The following CCNH variants were observed in gnomAD, a reference collection of about 807,000 sequenced individuals.
The protein encoded by CCNH is cyclin-H.
In CCNH, 31 loss-of-function variants were observed where a neutral mutation model predicts 41.9. The ratio of observed to expected loss-of-function variants is 0.74; its 90% CI spans 0.56 to 1.00. CCNH has a LOEUF of 1.00. CCNH is among the 50% of genes least tolerant of loss of function. CCNH has a pLI of 0.00. For synonymous variants in CCNH, 138 were observed against 136.1 expected, an observed-to-expected ratio of 1.01 and a Z score of -0.10; for missense variants, 362 against 388.4, an observed-to-expected ratio of 0.93 and a Z score of 0.57.
chr5:87,410,754 A>C (rs1349701346), intron 2 of CCNH, among the ~76,000 whole-genome samples: 1 of 152,186 alleles, frequency 6.6e-6, no homozygotes, highest in Non-Finnish European at 1.5e-5. Flanking sequence ...CAATAAGGCA[A>C]TCTTTTTCAC....
At chr5:87,338,523 ATATATATATAAAATTTTTT>A (rs1398947733) in intron 9 of CCNH, among the ~76,000 whole-genome samples, 2 of 99,184 alleles carry the variant, frequency 2.0e-5, no homozygotes, top group Admixed American at 2.0e-4. Flanking sequence ...ATATATATAT[ATATATATATAAAATTTTTT>A]TTTTTTTTAA....
At chr5:87,401,660 G>C in intron 6 of CCNH, 42 bp downstream of exon 6, 2 of 1,187,848 alleles carry the variant, frequency 1.7e-6, no homozygotes, top group Non-Finnish European at 2.4e-6. Flanking sequence ...AAGGAGCTTT[G>C]TATTGGAAGA....
intron 5 of CCNH, among the ~76,000 whole-genome samples, chr5:87,404,159 G>T (rs1230709368): frequency 6.6e-6 from 1 of 152,160 alleles, no homozygotes; most frequent in Non-Finnish European, 1.5e-5. Context: ...ATTATGAAAT[G>T]TGAAATACCC....
chr5:87,408,125 C>T lies in CCNH; in HGVS notation c.376G>A (p.Val126Ile), dbSNP rs761199502. 1 of 1,480,630 alleles carries T rather than the reference C, an allele frequency of 6.8e-7. No individual in the cohort carries two copies. The highest frequency in any genetic ancestry group is 9.1e-7 in the Non-Finnish European group (1 of 1,096,318). 91.7% of individuals were successfully genotyped at this position (1,480,630 alleles called of 1,614,324 possible). Reference sequence around the variant, plus strand: ...AGAGGACTCTCCCGGAGGTTTCCAACAAACTGAGGACTAGATACATTGAAT... The same window carrying T: ...AGAGGACTCTCCCGGAGGTTTCCAATAAACTGAGGACTAGATACATTGAAT... ...DEFNVSSPQF[V>I]GNLRESPLGQ... The change falls in exon 4 of 9, where the codon GTT (valine) becomes ATT (isoleucine). Residue 126 changes from valine to isoleucine, a missense_variant. Val to Ile is a conservative substitution (Grantham distance 29, BLOSUM62 3). Coordinates refer to ENST00000256897, the MANE Select transcript of CCNH (RefSeq NM_001239.4).
chr5:87,404,671 G>A (rs543730411), intron 5 of CCNH, among the ~76,000 whole-genome samples, 173 bp downstream of exon 5: 9 of 152,228 alleles, frequency 5.9e-5, no homozygotes, highest in African/African-American at 1.9e-4. Context: ...TATCCTCTTA[G>A]TTTAACAGTA....
At chr5:87,338,536 A>ATTTTTTTTTTTTTT (rs1232583853) in intron 9 of CCNH, among the ~76,000 whole-genome samples, 8 of 85,208 alleles carry the variant, frequency 9.4e-5, no homozygotes, top group African/African-American at 3.5e-4. Flanking sequence ...TATATATAAA[A>ATTTTTTTTTTTTTT]TTTTTTTTTT....
At chr5:87,387,262 A>C (rs1355128429), downstream of CCNH, among the ~76,000 whole-genome samples, 5 of 152,092 alleles carry the variant, frequency 3.3e-5, no homozygotes, top group Admixed American at 6.6e-5. Flanking sequence ...GTGGGGCGTG[A>C]AGCAAGACGA....
rs539388994 is a variant in CCNH, at chr5:87,401,396, T to G, written c.760+306A>C. ...TCCTTAAGTTATTTCCCATTACATC[T>G]TTTTCAGTGCCTAGTATGTTTCTTT... On this transcript the variant is annotated intron_variant, in intron 6 of 8. Transcript: ENST00000256897. 8.5e-5 allele frequency among the ~76,000 whole-genome samples: 13 copies of G among 152,356 alleles called. No individual in the cohort carries two copies. In the East Asian group the frequency reaches 2.5e-3, roughly 29 times the overall value.
chr5:87,312,591 C>T, the CCNH span, among the ~76,000 whole-genome samples: 1 of 152,154 alleles, frequency 6.6e-6, no homozygotes, highest in Non-Finnish European at 1.5e-5. Flanking sequence ...TTCGCTGGGT[C>T]TCCTCTTTCT....
chr5:87,372,451 T>C (rs573750813), downstream of CCNH, among the ~76,000 whole-genome samples: 125 of 152,246 alleles, frequency 8.2e-4, no homozygotes, highest in African/African-American at 2.8e-3. Flanking sequence ...GCAGAAACGG[T>C]TCTGTTGGGC....
chr5:87,360,802 G>A (rs1167820802), intron 9 of CCNH, among the ~76,000 whole-genome samples: 1 of 152,132 alleles, frequency 6.6e-6, no homozygotes, highest in Non-Finnish European at 1.5e-5. Context: ...CTGCCATCAT[G>A]ATAAGAGTCT....
intron 9 of CCNH, among the ~76,000 whole-genome samples, chr5:87,352,038 C>T (rs1220113253): frequency 6.6e-6 from 1 of 151,592 alleles, no homozygotes; most frequent in Admixed American, 6.6e-5. Context: ...TCCTGATTTT[C>T]ATTTTTCTTT....
intron 5 of CCNH, 41 bp downstream of exon 5, chr5:87,404,803 C>T: frequency 6.9e-7 from 1 of 1,443,360 alleles, no homozygotes; most frequent in Non-Finnish European, 9.5e-7. Context: ...TAAATAAACC[C>T]AGTGACTGAA....
At chr5:87,385,860 T>C (rs1232862930) in intron 9 of CCNH, among the ~76,000 whole-genome samples, 1 of 152,076 alleles carries the variant, frequency 6.6e-6, no homozygotes, top group Non-Finnish European at 1.5e-5. Flanking sequence ...TATGTGGAAA[T>C]AGATAACTCT....
At chr5:87,318,983 A>G (rs1301930812) in intron 9 of CCNH, 1 of 152,368 alleles carries the variant, frequency 6.6e-6, no homozygotes, top group African/African-American at 2.4e-5. Context: ...AAATGGGAGA[A>G]ATAGCCAAAA....
At chr5:87,353,387 CTT>C (rs1396847326) in intron 9 of CCNH, 12 of 724,466 alleles carry the variant, frequency 1.7e-5, no homozygotes, top group Non-Finnish European at 2.8e-5. Flanking sequence ...CTGTAAGAAT[CTT>C]TTAGTTTTTA....
At chr5:87,383,913 A>G in intron 9 of CCNH, 1 of 785,884 alleles carries the variant, frequency 1.3e-6, no homozygotes, top group South Asian at 1.8e-5. Flanking sequence ...GAAGTATTCC[A>G]AAGCACCCTT....
At position 87,383,707 on chromosome 5, in the gene CCNH, A is replaced by G. The variant is rs745758645; in HGVS notation, c.*90+9063T>C. 1 of 1,594,660 alleles carries G rather than the reference A, an allele frequency of 6.3e-7. No homozygotes were observed. The highest frequency in any genetic ancestry group is 1.4e-5 in the African/African-American group (1 of 73,614). ...AAAAAAAAAAAAAAATTTCCCTCCC[A>G]TTCAGTGGTTTTGTTTTTCTTCGAC... On this transcript the variant is annotated intron_variant and NMD_transcript_variant, in intron 9 of 9. Transcript: ENST00000645953.
chr5:87,366,287 A>G (rs1379978217), intron 9 of CCNH: 2 of 336,242 alleles, frequency 5.9e-6, no homozygotes, highest in Non-Finnish European at 1.2e-5. Flanking sequence ...TAAGATGAAT[A>G]TTGCAATATC....
Sources: allele counts gnomAD v4.1 joint callset (sites outside exome capture counted in the v4.1 genomes callset), GRCh38; gene constraint gnomAD v4.1.1; transcripts MANE v1.5; gene names NCBI Gene and HGNC (gene_info 2026-07-23, HGNC 2026-07-21).